Variants in FRMD6 observed in about 807,000 individuals in gnomAD.
FRMD6 encodes FERM domain-containing protein 6.
FRMD6 carries 37 observed loss-of-function variants against 73.2 expected under a neutral mutation model. The ratio of observed to expected loss-of-function variants is 0.51; its 90% confidence interval spans 0.39 to 0.66. The LOEUF (loss-of-function observed/expected upper bound fraction) is 0.66. FRMD6 is among the 30% of genes least tolerant of loss of function. The pLI, the probability that FRMD6 is intolerant of heterozygous loss-of-function variation, is 0.00. For synonymous variants in FRMD6, 273 were observed against 282.2 expected, an observed-to-expected ratio of 0.97 and a Z score of 0.33; for missense variants, 714 against 780.5, an observed-to-expected ratio of 0.91 and a Z score of 1.02.
At chr14:51,495,583 A>G (rs1883249525) in intron 1 of FRMD6, among the ~76,000 whole-genome samples, 1 of 152,222 alleles carries the variant, frequency 6.6e-6, no homozygotes, top group African/African-American at 2.4e-5. Flanking sequence ...ATTAAGTTGA[A>G]TTCATTTATA....
At chr14:51,465,126 TAGAA>T in the FRMD6 span, among the ~76,000 whole-genome samples, 1 of 151,716 alleles carries the variant, frequency 6.6e-6, no homozygotes, top group Admixed American at 6.6e-5. Flanking sequence ...AGGTGGAAAA[TAGAA>T]AGAAAAATGT....
At chr14:51,629,131 G>C (rs988679616) in intron 2 of FRMD6, among the ~76,000 whole-genome samples, 7 of 151,912 alleles carry the variant, frequency 4.6e-5, no homozygotes, top group African/African-American at 1.5e-4. Flanking sequence ...CGCCCGCCTC[G>C]CCCTCCCAAA....
intron 7 of FRMD6, among the ~76,000 whole-genome samples, chr14:51,710,245 C>T (rs939230368): frequency 1.3e-5 from 2 of 152,062 alleles, no homozygotes; most frequent in Non-Finnish European, 2.9e-5. Flanking sequence ...AAGATATTGG[C>T]TGATTCACAG....
chr14:51,681,228 G>A (rs2140304275), intron 1 of FRMD6, among the ~76,000 whole-genome samples: 1 of 152,294 alleles, frequency 6.6e-6, no homozygotes, highest in South Asian at 2.1e-4. Flanking sequence ...GTTAAATACA[G>A]AAGTTAAATA....
chr14:51,679,313 T>G (rs1433452741), intron 1 of FRMD6, among the ~76,000 whole-genome samples: 1 of 151,300 alleles, frequency 6.6e-6, no homozygotes, highest in Non-Finnish European at 1.5e-5. Flanking sequence ...TATAGATGTA[T>G]ATATTTGCTA....
At chr14:51,527,495 A>G (rs1885323800) in intron 1 of FRMD6, among the ~76,000 whole-genome samples, 1 of 152,234 alleles carries the variant, frequency 6.6e-6, no homozygotes. Flanking sequence ...TGAGACAAAT[A>G]GATCAGATAG....
At position 51,730,126 on chromosome 14, in the gene FRMD6, A is replaced by G. The variant is rs1441407318; in HGVS notation, c.*2097A>G. The G allele has an allele frequency of 6.6e-6, 1 of 152,232 alleles. No individual in the cohort carries two copies. Among genetic ancestry groups the G allele is most frequent in the East Asian group, 1.9e-4 (1 of 5,208 alleles). The allele number at this position is 152,232 out of a possible 1,614,324, so 9.4% of individuals were successfully genotyped here. On this transcript the variant is annotated 3_prime_UTR_variant, in exon 14 of 14. Coordinates refer to ENST00000344768, the MANE Select transcript of FRMD6 (RefSeq NM_001267046.2). The stretch of plus-strand genomic sequence containing the variant: ...TTAGAGTTTCTTGCAAACATTTAAA[A>G]AAAGACATATTTAAGAAAGAAAGAT...
At chr14:51,502,248 G>A (rs1883668347) in intron 1 of FRMD6, among the ~76,000 whole-genome samples, 1 of 152,074 alleles carries the variant, frequency 6.6e-6, no homozygotes. Flanking sequence ...ATTGCTTTTG[G>A]CATTTTCGTC....
intron 1 of FRMD6, among the ~76,000 whole-genome samples, chr14:51,549,528 T>C (rs1044050509): frequency 3.9e-5 from 6 of 152,032 alleles, no homozygotes; most frequent in African/African-American, 1.4e-4. Flanking sequence ...GTGCCCTCTA[T>C]TGCTATGTTC....
chr14:51,601,294 C>T (rs778473872), intron 2 of FRMD6, among the ~76,000 whole-genome samples: 1 of 152,198 alleles, frequency 6.6e-6, no homozygotes, highest in Non-Finnish European at 1.5e-5. Flanking sequence ...GACCACCTTT[C>T]TATGAGACCT....
intron 2 of FRMD6, among the ~76,000 whole-genome samples, chr14:51,620,447 G>A (rs1307196267): frequency 6.6e-6 from 1 of 152,052 alleles, no homozygotes. Flanking sequence ...GGGCAGAGGG[G>A]TGATGACTGA....
the FRMD6 span, among the ~76,000 whole-genome samples, chr14:51,458,271 C>T: frequency 6.6e-6 from 1 of 152,174 alleles, no homozygotes; most frequent in Non-Finnish European, 1.5e-5. Flanking sequence ...TCTCCTCTCA[C>T]CCCTACCCCA....
At chr14:51,487,114 G>C (rs1882779305), upstream of FRMD6, among the ~76,000 whole-genome samples, 1 of 152,098 alleles carries the variant, frequency 6.6e-6, no homozygotes, top group South Asian at 2.1e-4. Flanking sequence ...TGGTCCCAAT[G>C]AATGCTCAAG....
chr14:51,554,110 C>T (rs1886987932), intron 1 of FRMD6, among the ~76,000 whole-genome samples: 1 of 152,056 alleles, frequency 6.6e-6, no homozygotes, highest in African/African-American at 2.4e-5. Flanking sequence ...AAGGCCAAAA[C>T]TTACAATGAT....
intron 8 of FRMD6, among the ~76,000 whole-genome samples, chr14:51,712,070 G>T (rs1896974050): frequency 6.6e-6 from 1 of 152,182 alleles, no homozygotes; most frequent in South Asian, 2.1e-4. Context: ...AGGTGAGACA[G>T]TGTTATCCTG....
At chr14:51,639,760 A>T (rs1891738012) in intron 2 of FRMD6, among the ~76,000 whole-genome samples, 1 of 152,220 alleles carries the variant, frequency 6.6e-6, no homozygotes, top group African/African-American at 2.4e-5. Flanking sequence ...TCTATGAGCC[A>T]AAGCCCTTAG....
At chr14:51,572,111 C>A in intron 2 of FRMD6, among the ~76,000 whole-genome samples, 1 of 152,338 alleles carries the variant, frequency 6.6e-6, no homozygotes, top group South Asian at 2.1e-4. Flanking sequence ...GCATTAGGGA[C>A]GTGATAAAAT....
At chr14:51,439,985 T>G in the FRMD6 span, among the ~76,000 whole-genome samples, 4 of 152,272 alleles carry the variant, frequency 2.6e-5, no homozygotes, top group East Asian at 7.7e-4. Context: ...CCCTAAAATT[T>G]CGGATCCACC....
chr14:51,576,202 T>C (rs752534906), intron 2 of FRMD6: 1 of 152,268 alleles, frequency 6.6e-6, no homozygotes, highest in Non-Finnish European at 1.5e-5. Flanking sequence ...CAAACTTAAG[T>C]GCCGACATCA....
Sources: gnomAD v4.1 joint callset for allele counts (sites outside exome capture counted in the v4.1 genomes callset) on GRCh38, gnomAD v4.1.1 for gene constraint, MANE v1.5 for transcripts, NCBI Gene and HGNC (gene_info 2026-07-23, HGNC 2026-07-21) for gene names.